Variants in NFRKB observed in about 807,000 individuals in gnomAD.
NFRKB encodes nuclear factor related to kappaB binding protein.
Under a neutral mutation model 135.7 loss-of-function variants are expected in NFRKB, and 62 were observed. The observed-to-expected ratio is 0.46, with a 90% CI of 0.37 to 0.56. NFRKB has a LOEUF of 0.56. Ranked by LOEUF, NFRKB falls within the 20% of genes least tolerant of loss-of-function variation. NFRKB has a pLI of 0.00. For missense variants in NFRKB, 1,545 were observed against 1,662.0 expected, an observed-to-expected ratio of 0.93 and a Z score of 1.22; for synonymous variants, 678 against 635.6, an observed-to-expected ratio of 1.07 and a Z score of -1.00.
At chr11:129,865,707 A>C (rs577193158) in intron 25 of NFRKB, among the ~76,000 whole-genome samples, 170 bp downstream of exon 25, 1 of 152,300 alleles carries the variant, frequency 6.6e-6, no homozygotes, top group South Asian at 2.1e-4. Flanking sequence ...ACTGCACCTA[A>C]AACAATACTG....
At chr11:129,891,740 AACT>A (rs1351590655) in intron 3 of NFRKB, among the ~76,000 whole-genome samples, 3 of 152,242 alleles carry the variant, frequency 2.0e-5, no homozygotes, top group Admixed American at 6.5e-5. Context: ...ATGTAAACCA[AACT>A]ACTACATTTA....
In NFRKB at chr11:129,874,361, C is replaced by T; in HGVS notation, c.2059-28G>A. 1 of 1,519,990 alleles carries T rather than the reference C, an allele frequency of 6.6e-7. No homozygotes were observed. The highest frequency in any genetic ancestry group is 8.8e-7 in the Non-Finnish European group (1 of 1,136,890). 94.2% of individuals were successfully genotyped at this position (1,519,990 alleles called of 1,614,324 possible). On this transcript the variant is annotated intron_variant, in intron 20 of 26. Transcript: ENST00000682444. The surrounding 1 kb of genome is among the most constrained non-coding windows in gnomAD (Gnocchi z 4.5). Reference sequence around the variant, plus strand: ...AGAACGGAAGACAAAGAAAACTCACCTGGTGTCGTGAAGATCCCCCTAAAG... The same window carrying T: ...AGAACGGAAGACAAAGAAAACTCACTTGGTGTCGTGAAGATCCCCCTAAAG...
intron 15 of NFRKB, among the ~76,000 whole-genome samples, chr11:129,877,787 A>G (rs955649483): frequency 1.3e-5 from 2 of 152,146 alleles, no homozygotes; most frequent in Admixed American, 1.3e-4. Context: ...CTACACCTCT[A>G]TTACATGAAG....
chr11:129,882,422 G>A, intron 10 of NFRKB, 29 bp downstream of exon 10: 1 of 1,608,554 alleles, frequency 6.2e-7, no homozygotes. Flanking sequence ...TTCACCCTGA[G>A]AATTACAGAA....
In NFRKB at chr11:129,871,341, C is replaced by T. The variant is rs77574117; in HGVS notation, c.2764-1080G>A. On this transcript the variant is annotated intron_variant, in intron 23 of 26. Transcript: ENST00000682444. ...ATCATACTCACTGTCTCCACTTCCT[C>T]GCCTTCTCTTTTGAACCCATTCCCC... Among the ~76,000 whole-genome samples the T allele has an allele frequency of 4.9e-3, 747 of 152,270 alleles. 6 individuals are homozygous for T. The highest frequency in any genetic ancestry group is 0.017 in the African/African-American group (706 of 41,548).
Position 129,883,215 on chromosome 11 carries a change from G to A in NFRKB, c.817-9C>T. ...AAAAGGTCCGGGTGATCCTAGATGTGATATCCAGAATTTGGTCATGGAGGC... is the reference window on the plus strand; with the variant it reads ...AAAAGGTCCGGGTGATCCTAGATGTAATATCCAGAATTTGGTCATGGAGGC... On this transcript the variant is annotated splice_polypyrimidine_tract_variant and intron_variant, in intron 8 of 26. Transcript: ENST00000682444. The A allele has an allele frequency of 6.2e-7, 1 of 1,612,914 alleles. No homozygotes were observed. Among genetic ancestry groups the A allele is most frequent in the Admixed American group, 1.7e-5 (1 of 59,794 alleles).
chr11:129,888,835 T>C, intron 3 of NFRKB, 40 bp from the exon 4 acceptor site: 3 of 1,528,750 alleles, frequency 2.0e-6, no homozygotes, highest in Non-Finnish European at 2.7e-6. Flanking sequence ...TAAAATAAAT[T>C]TTTGAGTTTT....
At chr11:129,865,758 G>T in intron 25 of NFRKB, 119 bp downstream of exon 25, 1 of 758,742 alleles carries the variant, frequency 1.3e-6, no homozygotes, top group Non-Finnish European at 2.3e-6. Context: ...ATAAAGCAGA[G>T]GTGTCAAAGA....
At chr11:129,889,894 T>C (rs1591534249) in intron 3 of NFRKB, among the ~76,000 whole-genome samples, 1 of 151,600 alleles carries the variant, frequency 6.6e-6, no homozygotes, top group East Asian at 1.9e-4. Context: ...GCTTCAGTGG[T>C]CTTAGTAGTG....
Position 129,875,042 on chromosome 11 carries a change from T to C in NFRKB, c.1855-126A>G, listed in dbSNP as rs535213967. The C allele has an allele frequency of 4.1e-6, 5 of 1,221,616 alleles. No individual in the cohort carries two copies. In the Admixed American group the frequency reaches 7.9e-5, roughly 19 times the overall value. The allele number at this position is 1,221,616 out of a possible 1,614,324, so 75.7% of individuals were successfully genotyped here. A position where few individuals can be genotyped will look rare whatever the true frequency, so the allele number is the denominator to read the frequency against. ...GATGCAGATTCTATCTCAGCCTAGC[T>C]GCGTATTCCCAATAGTTCCCCAAAT... On this transcript the variant is annotated intron_variant, in intron 18 of 26. Transcript: ENST00000682444.
At chr11:129,869,421 C>T (rs1948380616) in intron 24 of NFRKB, 73 bp downstream of exon 24, 17 of 1,476,980 alleles carry the variant, frequency 1.2e-5, no homozygotes, top group Non-Finnish European at 1.4e-5. Context: ...GGGAGTTTCT[C>T]GGGTAATGGG....
intron 9 of NFRKB, 42 bp from the exon 10 acceptor site, chr11:129,882,673 T>C: frequency 1.3e-6 from 2 of 1,570,324 alleles, no homozygotes; most frequent in Non-Finnish European, 1.7e-6. Context: ...ATGTATCTCC[T>C]ACACAGGGAA....
rs1266079701 is a variant in NFRKB, at chr11:129,874,100, A to G, written c.2279+13T>C. On this transcript the variant is annotated intron_variant, in intron 21 of 26. Transcript: ENST00000682444. The surrounding 1 kb of genome is among the most constrained non-coding windows in gnomAD (Gnocchi z 4.5). ...CTCTAGAACGAAAAAGCTGAAGAAA[A>G]GGAGGAACTTACCCCGAGCTAGACT... 6.4e-7 allele frequency: 1 copy of G among 1,562,528 alleles called. No individual in the cohort carries two copies. The highest frequency in any genetic ancestry group is 1.9e-5 in the Admixed American group (1 of 54,048).
intron 3 of NFRKB, among the ~76,000 whole-genome samples, chr11:129,890,713 C>CT (rs961719096): frequency 4.3e-4 from 65 of 152,246 alleles, no homozygotes; most frequent in Admixed American, 1.5e-3. Flanking sequence ...ATAATAAGCA[C>CT]TTAATAAACG....
intron 24 of NFRKB, among the ~76,000 whole-genome samples, chr11:129,867,912 G>A (rs1050824454): frequency 1.3e-5 from 2 of 152,146 alleles, no homozygotes; most frequent in African/African-American, 4.8e-5. Context: ...AGTGGGGGAA[G>A]CAATAGTTGA....
At chr11:129,892,667 C>T (rs761093018) in intron 3 of NFRKB, 48 bp downstream of exon 3, 2 of 1,595,488 alleles carry the variant, frequency 1.3e-6, no homozygotes, top group Non-Finnish European at 1.7e-6. Flanking sequence ...ACAGCTGTTA[C>T]AAGGAAGCTG....
intron 17 of NFRKB, among the ~76,000 whole-genome samples, chr11:129,876,357 C>T (rs1286916765): frequency 3.3e-5 from 5 of 152,178 alleles, no homozygotes; most frequent in African/African-American, 1.2e-4. Context: ...AAAAGCATAA[C>T]TCTGAGAAGG....
At position 129,889,951 on chromosome 11, in the gene NFRKB, C is replaced by CGTGTGTGTGTGTGTGT. The variant is rs56216860; in HGVS notation, c.136-1172_136-1157dup. ...ACATGCACGTTTTATTATTGTCTTA[C>CGTGTGTGTGTGTGTGT]GTGTGTGTGTGTGTGTGTGTGTGTG... On this transcript the variant is annotated intron_variant, in intron 3 of 26. Transcript: ENST00000682444. 1.4e-3 allele frequency among the ~76,000 whole-genome samples: 184 copies of CGTGTGTGTGTGTGTGT among 135,350 alleles called. 2 individuals are homozygous for CGTGTGTGTGTGTGTGT. Among genetic ancestry groups the CGTGTGTGTGTGTGTGT allele is most frequent in the African/African-American group, 5.0e-3 (178 of 35,950 alleles). The allele number at this position is 135,350 out of a possible 152,430, so 88.8% of individuals were successfully genotyped here.
At chr11:129,867,610 C>A (rs1948264736) in intron 24 of NFRKB, among the ~76,000 whole-genome samples, 1 of 152,162 alleles carries the variant, frequency 6.6e-6, no homozygotes, top group African/African-American at 2.4e-5. Context: ...AGACACTGCG[C>A]CTGACCAACT....
Sources: allele counts gnomAD v4.1 joint callset (sites outside exome capture counted in the v4.1 genomes callset), GRCh38; gene constraint gnomAD v4.1.1; non-coding constraint Gnocchi (gnomAD v3.1); transcripts MANE v1.5; gene names NCBI Gene and HGNC (gene_info 2026-07-23, HGNC 2026-07-21).